The following FHOD3 variants were observed in gnomAD, a reference collection of about 807,000 sequenced individuals.
FHOD3 encodes the protein formin homology 2 domain containing 3.
FHOD3 carries 90 observed loss-of-function variants against 173.0 expected under a neutral mutation model. The ratio of observed to expected loss-of-function variants is 0.52; its 90% confidence interval spans 0.44 to 0.62. The LOEUF is 0.62. Ranked by LOEUF, FHOD3 falls within the 20% of genes least tolerant of loss-of-function variation. The pLI is 0.00. For missense variants in FHOD3, 1,945 were observed against 2,034.7 expected, an observed-to-expected ratio of 0.96 and a Z score of 0.85; for synonymous variants, 828 against 823.0, an observed-to-expected ratio of 1.01 and a Z score of -0.10.
At chr18:36,461,126 G>A (rs752257628) in intron 3 of FHOD3, among the ~76,000 whole-genome samples, 9 of 152,120 alleles carry the variant, frequency 5.9e-5, no homozygotes, top group Non-Finnish European at 7.4e-5. Context: ...GGGCTTTGCT[G>A]CAGGTCCTCA....
At chr18:36,363,850 T>A (rs1441888333) in intron 2 of FHOD3, among the ~76,000 whole-genome samples, 8 of 150,436 alleles carry the variant, frequency 5.3e-5, no homozygotes, top group African/African-American at 1.7e-4. Flanking sequence ...CAGATTAACA[T>A]CTTGCACACT....
intron 20 of FHOD3, among the ~76,000 whole-genome samples, chr18:36,739,877 C>A (rs2041822013): frequency 6.6e-6 from 1 of 152,120 alleles, no homozygotes; most frequent in Non-Finnish European, 1.5e-5. Context: ...GTTTTTTATG[C>A]AGACAATTAT....
intron 19 of FHOD3, among the ~76,000 whole-genome samples, chr18:36,720,884 G>T (rs577299172): frequency 1.3e-5 from 2 of 152,206 alleles, no homozygotes; most frequent in South Asian, 2.1e-4. Context: ...GGAAGAAGCT[G>T]CCCCTTGACT....
At chr18:36,313,296 C>T (rs2092298903) in intron 1 of FHOD3, among the ~76,000 whole-genome samples, 1 of 152,080 alleles carries the variant, frequency 6.6e-6, no homozygotes, top group African/African-American at 2.4e-5. Context: ...TAAAAAAAAC[C>T]TTCATATTTG....
chr18:36,755,029 C>A, intron 24 of FHOD3, 90 bp from the exon 25 acceptor site: 2 of 411,164 alleles, frequency 4.9e-6, no homozygotes, highest in Non-Finnish European at 8.2e-6. Flanking sequence ...ATTTTAAGTT[C>A]TCACATTGGT....
At chr18:36,425,170 T>C (rs1223523199) in intron 3 of FHOD3, among the ~76,000 whole-genome samples, 2 of 152,232 alleles carry the variant, frequency 1.3e-5, no homozygotes, top group Non-Finnish European at 2.9e-5. Flanking sequence ...GTTATTACAG[T>C]ATATTGTTAC....
chr18:36,718,743 G>C, intron 19 of FHOD3, 28 bp downstream of exon 19: 1 of 1,595,320 alleles, frequency 6.3e-7, no homozygotes, highest in South Asian at 1.1e-5. Flanking sequence ...CATGCTTCTT[G>C]ATTGGAAGTT....
intron 3 of FHOD3, among the ~76,000 whole-genome samples, chr18:36,375,698 GA>G (rs2047407042): frequency 6.6e-6 from 1 of 152,148 alleles, no homozygotes; most frequent in African/African-American, 2.4e-5. Context: ...CAACCCTCAC[GA>G]AAAATGAAGG....
intron 1 of FHOD3, among the ~76,000 whole-genome samples, chr18:36,322,277 G>A (rs2044435719): frequency 6.6e-6 from 1 of 152,188 alleles, no homozygotes; most frequent in Non-Finnish European, 1.5e-5. Flanking sequence ...AGGCCTGGAG[G>A]TGGGCCTTTT....
intron 1 of FHOD3, among the ~76,000 whole-genome samples, chr18:36,349,984 G>T (rs1306489132): frequency 6.6e-6 from 1 of 152,088 alleles, no homozygotes; most frequent in African/African-American, 2.4e-5. Context: ...CACCATTTTG[G>T]CCAGACTGGT....
At chr18:36,625,002 G>T (rs1185544172) in intron 9 of FHOD3, among the ~76,000 whole-genome samples, 1 of 152,190 alleles carries the variant, frequency 6.6e-6, no homozygotes, top group Admixed American at 6.5e-5. Flanking sequence ...AGTCCTCTTA[G>T]AAAGATTTAT....
At chr18:36,579,058 C>T (rs1342574149) in intron 6 of FHOD3, among the ~76,000 whole-genome samples, 2 of 152,174 alleles carry the variant, frequency 1.3e-5, no homozygotes, top group Non-Finnish European at 2.9e-5. Context: ...TTCTAGGTTG[C>T]ATCAGCCAGA....
At chr18:36,648,739 C>T (rs1297033156) in intron 10 of FHOD3, among the ~76,000 whole-genome samples, 2 of 152,156 alleles carry the variant, frequency 1.3e-5, no homozygotes, top group African/African-American at 4.8e-5. Context: ...GGGAGTGGAA[C>T]TGCACCCCTG....
At chr18:36,418,024 A>G (rs2049765985) in intron 3 of FHOD3, among the ~76,000 whole-genome samples, 1 of 152,244 alleles carries the variant, frequency 6.6e-6, no homozygotes, top group Non-Finnish European at 1.5e-5. Context: ...TGTCTTAGAC[A>G]TATTAATGCA....
At chr18:36,624,203 A>G (rs1263038666) in intron 9 of FHOD3, among the ~76,000 whole-genome samples, 2 of 152,174 alleles carry the variant, frequency 1.3e-5, no homozygotes, top group Non-Finnish European at 2.9e-5. Flanking sequence ...AGTCATATTC[A>G]TTGAGTACCA....
intron 24 of FHOD3, among the ~76,000 whole-genome samples, chr18:36,748,687 G>C (rs2042271616): frequency 6.6e-6 from 1 of 152,186 alleles, no homozygotes; most frequent in East Asian, 1.9e-4. Flanking sequence ...GAAGTTCACT[G>C]TGGTTTTGGT....
chr18:36,625,244 A>G (rs2034008539), intron 9 of FHOD3, among the ~76,000 whole-genome samples: 1 of 152,100 alleles, frequency 6.6e-6, no homozygotes, highest in Non-Finnish European at 1.5e-5. Flanking sequence ...TTACAAAAAT[A>G]TTTCTCAGAC....
Position 36,519,799 on chromosome 18 carries a change from G to C in FHOD3, c.511+7256G>C, listed in dbSNP as rs538340551. On this transcript the variant is annotated intron_variant, in intron 5 of 28. Coordinates refer to ENST00000590592, the MANE Select transcript of FHOD3 (RefSeq NM_001281740.3). ...CTTTACCTCATTGGGCAGCAAGTGC[G>C]ATATTTGCCATCAGCTTCTAACTCT... Among the ~76,000 whole-genome samples the C allele has an allele frequency of 3.3e-5, 5 of 152,272 alleles. No individual in the cohort carries two copies. In the East Asian group the frequency reaches 9.7e-4, roughly 29 times the overall value.
chr18:36,476,081 GTTTACTCA>G (rs1568322324), intron 3 of FHOD3, among the ~76,000 whole-genome samples: 1 of 152,114 alleles, frequency 6.6e-6, no homozygotes. Context: ...TTGTTCATTT[GTTTACTCA>G]TTCATTCCAT....
Sources: allele counts gnomAD v4.1 joint callset (sites outside exome capture counted in the v4.1 genomes callset), GRCh38; gene constraint gnomAD v4.1.1; transcripts MANE v1.5; gene names NCBI Gene and HGNC (gene_info 2026-07-23, HGNC 2026-07-21).